The following BMPR1A variants were observed in gnomAD, a reference collection of about 807,000 sequenced individuals.
BMPR1A encodes the protein bone morphogenetic protein receptor type 1A, also known as bone morphogenetic protein receptor type-1A.
BMPR1A carries 7 observed loss-of-function variants against 66.0 expected under a neutral mutation model. The ratio of observed to expected loss-of-function variants is 0.11; its 90% CI spans 0.06 to 0.20. The LOEUF is 0.20. BMPR1A is among the 10% of genes least tolerant of loss of function. The pLI is 1.00. For missense variants in BMPR1A, 408 were observed against 669.1 expected (o/e 0.61, Z 4.31); for synonymous variants, 200 against 229.7 (o/e 0.87, Z 1.17).
intron 3 of BMPR1A, among the ~76,000 whole-genome samples, chr10:86,883,026 T>A (rs550566771): frequency 6.6e-6 from 1 of 152,218 alleles, no homozygotes; most frequent in South Asian, 2.1e-4. Flanking sequence ...TTCAAGCATA[T>A]GTCTAAGTAG....
intron 2 of BMPR1A, chr10:86,856,329 A>AG: frequency 4.6e-6 from 2 of 434,520 alleles, no homozygotes; most frequent in South Asian, 3.5e-5. Flanking sequence ...TCTGCAGCCC[A>AG]GGGCAGTCAG....
intron 1 of BMPR1A, among the ~76,000 whole-genome samples, chr10:86,758,016 T>A (rs573556044): frequency 6.6e-6 from 1 of 152,370 alleles, no homozygotes; most frequent in Admixed American, 6.5e-5. Flanking sequence ...GAGTTAAACT[T>A]TGAATTAGAG....
rs10556299 is a variant in BMPR1A at position 86,768,925 on chromosome 10, CTG to C, written c.-268+12009_-268+12010del. Among the ~76,000 whole-genome samples, 36,677 of 152,022 alleles carry C rather than the reference CTG, an allele frequency of 0.24. 7,635 individuals carry two copies. The highest frequency in any genetic ancestry group is 0.57 in the African/African-American group (23,566 of 41,358). ...GATGAGTGCAGTTCAGTGCTTAACA[CTG>C]TGCTTGCCACTGTAGTAGCTTAATG... On this transcript the variant is annotated intron_variant, in intron 1 of 12. Coordinates refer to ENST00000372037, the MANE Select transcript of BMPR1A (RefSeq NM_004329.3).
At chr10:86,836,396 G>A (rs1286170421) in intron 1 of BMPR1A, among the ~76,000 whole-genome samples, 1 of 152,166 alleles carries the variant, frequency 6.6e-6, no homozygotes, top group African/African-American at 2.4e-5. Flanking sequence ...GTTTACCTCT[G>A]AGTAATGAAG....
intron 10 of BMPR1A, among the ~76,000 whole-genome samples, chr10:86,920,856 C>CTTTTTTTTTTTTTTTTTTTTTTT (rs397774280): frequency 8.2e-6 from 1 of 122,206 alleles, no homozygotes; most frequent in African/African-American, 3.1e-5. Flanking sequence ...CTTTTCTTTT[C>CTTTTTTTTTTTTTTTTTTTTTTT]TTTTTTTTTT....
chr10:86,921,814 A>C, intron 11 of BMPR1A, 119 bp downstream of exon 11: 1 of 1,273,518 alleles, frequency 7.9e-7, no homozygotes, highest in Admixed American at 2.0e-5. Flanking sequence ...TGTATATATT[A>C]TTGGATAAGG....
At chr10:86,817,430 C>T (rs1842050485) in intron 1 of BMPR1A, among the ~76,000 whole-genome samples, 1 of 152,184 alleles carries the variant, frequency 6.6e-6, no homozygotes. Flanking sequence ...TTTCCCTCCT[C>T]CTTAAGGCTG....
chr10:86,888,763 G>A (rs1843104885), intron 3 of BMPR1A, among the ~76,000 whole-genome samples: 1 of 150,666 alleles, frequency 6.6e-6, no homozygotes, highest in Non-Finnish European at 1.5e-5. Context: ...GGAGGTTGAG[G>A]CTGCAGTGAG....
chr10:86,774,448 TAA>T (rs59787839), intron 1 of BMPR1A, among the ~76,000 whole-genome samples: 2 of 145,414 alleles, frequency 1.4e-5, no homozygotes, highest in African/African-American at 2.5e-5. Flanking sequence ...GTAAAGAAAT[TAA>T]AAAAAAAAAA....
intron 10 of BMPR1A, among the ~76,000 whole-genome samples, chr10:86,919,890 C>T (rs143886291): frequency 5.9e-4 from 90 of 151,840 alleles, no homozygotes; most frequent in African/African-American, 1.6e-3. Flanking sequence ...TTATTTTTTG[C>T]GGAGATGGGG....
intron 7 of BMPR1A, among the ~76,000 whole-genome samples, chr10:86,903,732 C>G: frequency 6.6e-6 from 1 of 151,012 alleles, no homozygotes; most frequent in Non-Finnish European, 1.5e-5. Context: ...TTGCTTCAGC[C>G]TTCCGAGTAG....
At position 86,917,190 on chromosome 10, in the gene BMPR1A, A is replaced by G. The variant is rs1554890761; in HGVS notation, c.732A>G (p.Arg244=). 6.2e-7 allele frequency: 1 copy of G among 1,613,976 alleles called. No individual in the cohort carries two copies. Among genetic ancestry groups the G allele is most frequent in the Non-Finnish European group, 8.5e-7 (1 of 1,180,002 alleles). ...IQMVRQVGKG[R]YGEVWMGKWR... ...TGGTCCGGCAAGTTGGTAAAGGCCG[A>G]TATGGAGAAGTATGGATGGGCAAAT... Residue 244 remains arginine, a synonymous_variant, in exon 9 of 13, where the codon CGA becomes CGG. Transcript: ENST00000372037.
At chr10:86,803,991 G>A (rs1841849602) in intron 1 of BMPR1A, among the ~76,000 whole-genome samples, 1 of 151,698 alleles carries the variant, frequency 6.6e-6, no homozygotes, top group Non-Finnish European at 1.5e-5. Flanking sequence ...TATATTTTTG[G>A]GTGCTATTGT....
At position 86,927,415 on chromosome 10, in the gene BMPR1A, G is replaced by A; in HGVS notation, c.*3696G>A. The A allele has an allele frequency of 5.1e-6, 1 of 197,022 alleles. No individual in the cohort carries two copies. Among genetic ancestry groups the A allele is most frequent in the Non-Finnish European group, 1.1e-5 (1 of 94,950 alleles). 12.2% of individuals were successfully genotyped at this position (197,022 alleles called of 1,614,324 possible). ...CATATTTATTACTGACTTTGAGTCA[G>A]GTGTTAAAATAGCAGTGCCACAGCT... On this transcript the variant is annotated 3_prime_UTR_variant, in exon 13 of 13. Coordinates refer to ENST00000372037, the MANE Select transcript of BMPR1A (RefSeq NM_004329.3).
chr10:86,839,342 C>G (rs1842393499), intron 2 of BMPR1A, among the ~76,000 whole-genome samples: 1 of 152,114 alleles, frequency 6.6e-6, no homozygotes, highest in South Asian at 2.1e-4. Context: ...CCTGTAATCC[C>G]AGCACTTTGG....
downstream of BMPR1A, chr10:86,931,946 T>A (rs1010885399): frequency 6.6e-6 from 1 of 152,244 alleles, no homozygotes. Context: ...TCATCCTACC[T>A]TCTACTTTTG....
chr10:86,787,368 A>G (rs1019995835), intron 1 of BMPR1A, among the ~76,000 whole-genome samples: 1 of 152,240 alleles, frequency 6.6e-6, no homozygotes, highest in Non-Finnish European at 1.5e-5. Context: ...GAAAGTAACA[A>G]TGGAGTATGA....
At chr10:86,867,852 G>A (rs959274201) in intron 2 of BMPR1A, among the ~76,000 whole-genome samples, 3 of 152,118 alleles carry the variant, frequency 2.0e-5, no homozygotes, top group African/African-American at 7.2e-5. Flanking sequence ...TACTTGTGTT[G>A]GGGAAACTAT....
chr10:86,883,569 A>G (rs1014354829), intron 3 of BMPR1A, among the ~76,000 whole-genome samples: 6 of 145,276 alleles, frequency 4.1e-5, no homozygotes, highest in African/African-American at 1.5e-4. Context: ...AAAAAAAAAA[A>G]AGACCAGCCT....
Sources: allele counts gnomAD v4.1 joint callset (sites outside exome capture counted in the v4.1 genomes callset), GRCh38; gene constraint gnomAD v4.1.1; transcripts MANE v1.5; gene names NCBI Gene and HGNC (gene_info 2026-07-23, HGNC 2026-07-21).